Variants in VWA3A observed in about 807,000 individuals in gnomAD.
The protein encoded by VWA3A is von Willebrand factor A domain containing 3A.
In VWA3A, 134 loss-of-function variants were observed where a neutral mutation model predicts 160.4. That is an observed-to-expected ratio of 0.84 (90% CI 0.73 to 0.96). The LOEUF (loss-of-function observed/expected upper bound fraction) is 0.96, where lower values mean the gene tolerates loss of function less well. Ranked by LOEUF, VWA3A falls within the 40% of genes least tolerant of loss-of-function variation. The probability of loss-of-function intolerance (pLI) is 0.00; values close to 1 mark genes in which losing one functional copy is unlikely to be tolerated. For missense variants in VWA3A, 1,310 were observed against 1,447.9 expected (o/e 0.90, Z 1.55); for synonymous variants, 476 against 543.4 (o/e 0.88, Z 1.72).
Position 22,123,177 on chromosome 16 carries a change from G to A in VWA3A, c.1437+12G>A. ...TCTATAAGTACCAGGTCAGTGATGG[G>A]TTCAATCAGTCAGAAAATGGGGTGC... On this transcript the variant is annotated intron_variant, in intron 15 of 33. Transcript: ENST00000389398. 6.3e-7 allele frequency: 1 copy of A among 1,590,908 alleles called. No individual in the cohort carries two copies. Among genetic ancestry groups the A allele is most frequent in the Non-Finnish European group, 8.6e-7 (1 of 1,167,672 alleles).
At position 22,120,952 on chromosome 16, in the gene VWA3A, TTC is replaced by T; in HGVS notation, c.1117-13_1117-12del. 3 of 1,613,760 alleles carry T rather than the reference TTC, an allele frequency of 1.9e-6. No individual in the cohort carries two copies. The highest frequency in any genetic ancestry group is 2.5e-6 in the Non-Finnish European group (3 of 1,179,776). On this transcript the variant is annotated splice_polypyrimidine_tract_variant and intron_variant, in intron 12 of 33. Coordinates refer to ENST00000389398, the MANE Select transcript of VWA3A (RefSeq NM_173615.5). ...AAAATATGATTATGTAATGAGGGCT[TTC>T]TCATTTAACTTAGATTTCCACAGAG...
rs1235497724 is a variant in VWA3A, at chr16:22,096,935, G to A, written c.91G>A (p.Glu31Lys). ...VFHGQENMFL[E>K]NHCIRRNTGR... ...CCATGGTCAAGAAAATATGTTTCTG[G>A]AAAACCATTGGTAAGCATAGTTCTC... is the stretch of plus-strand genomic sequence containing the variant. Residue 31 changes from glutamate (E) to lysine (K), a missense_variant, in exon 2 of 34, where the codon GAA becomes AAA. Coordinates refer to ENST00000389398, the MANE Select transcript of VWA3A (RefSeq NM_173615.5). 6.6e-7 allele frequency: 1 copy of A among 1,522,976 alleles called. No homozygotes were observed. 94.3% of individuals were successfully genotyped at this position (1,522,976 alleles called of 1,614,324 possible).
At chr16:22,143,632 G>A (rs1178251911) in intron 25 of VWA3A, among the ~76,000 whole-genome samples, 1 of 152,140 alleles carries the variant, frequency 6.6e-6, no homozygotes, top group Non-Finnish European at 1.5e-5. Flanking sequence ...ACTAAAAAAT[G>A]TTGTAGGTGG....
At position 22,155,671 on chromosome 16, in the gene VWA3A, C is replaced by A. The variant is rs780022517; in HGVS notation, c.3503+7C>A. 1 of 1,613,656 alleles carries A rather than the reference C, an allele frequency of 6.2e-7. No homozygotes were observed. The highest frequency in any genetic ancestry group is 1.1e-5 in the South Asian group (1 of 91,066). On this transcript the variant is annotated splice_region_variant and intron_variant, in intron 32 of 33. Transcript: ENST00000389398. ...GGCAGGCCCAATCCTTCAGGTATGC[C>A]CTTCACGCAGCCTCTCCGGCCTGCC... is the stretch of plus-strand genomic sequence containing the variant.
intron 29 of VWA3A, 25 bp downstream of exon 29, chr16:22,149,956 C>T: frequency 6.3e-7 from 1 of 1,584,348 alleles, no homozygotes; most frequent in South Asian, 1.1e-5. Context: ...GGAGCCCGAC[C>T]TTGACGCAAA....
rs757463686 is a variant in VWA3A, at chr16:22,126,163, C to T, written c.1533-15C>T. On this transcript the variant is annotated splice_polypyrimidine_tract_variant and intron_variant, in intron 16 of 33. Coordinates refer to ENST00000389398, the MANE Select transcript of VWA3A (RefSeq NM_173615.5). ...GAGATTCGGTTCTCCTCTTAAAGCT[C>T]GTGTTTCCTTTTAGGGTGGTTGTAC... 5.0e-6 allele frequency: 8 copies of T among 1,613,100 alleles called. No homozygotes were observed. In the East Asian group the frequency reaches 1.1e-4, roughly 22 times the overall value.
At chr16:22,100,656 G>A (rs991375226) in intron 5 of VWA3A, among the ~76,000 whole-genome samples, 163 bp downstream of exon 5, 2 of 151,900 alleles carry the variant, frequency 1.3e-5, no homozygotes, top group Non-Finnish European at 1.5e-5. Flanking sequence ...CCAACATGGT[G>A]AAATCCTGTC....
chr16:22,148,156 G>T lies in VWA3A; in HGVS notation c.2840-6G>T. The T allele has an allele frequency of 6.3e-7, 1 of 1,595,302 alleles. No individual in the cohort carries two copies. The highest frequency in any genetic ancestry group is 2.3e-5 in the East Asian group (1 of 44,184). ...CCCTGCCTCTTCCCCACCTGTCTCG[G>T]AGCAGGGAGCCGCCGACTGTTTGGC... On this transcript the variant is annotated splice_polypyrimidine_tract_variant and splice_region_variant and intron_variant, in intron 27 of 33. Transcript: ENST00000389398.
chr16:22,149,609 A>G (rs2046312264), intron 28 of VWA3A, among the ~76,000 whole-genome samples, 178 bp from the exon 29 acceptor site: 1 of 152,156 alleles, frequency 6.6e-6, no homozygotes, highest in African/African-American at 2.4e-5. Context: ...TCTCATTCTC[A>G]AGAGGCCCCA....
rs573753221 is a variant in VWA3A, at chr16:22,156,372, A to G, written c.*355A>G. 5.6e-6 allele frequency: 1 copy of G among 178,052 alleles called. No individual in the cohort carries two copies. Among genetic ancestry groups the G allele is most frequent in the Admixed American group, 5.7e-5 (1 of 17,672 alleles). The allele number at this position is 178,052 out of a possible 1,614,324, so 11.0% of individuals were successfully genotyped here. The stretch of plus-strand genomic sequence containing the variant: ...TCTGCCTGGAGACTCCTGCTCATCC[A>G]TCAAGGCACAGCTCAAATGACATCA... On this transcript the variant is annotated 3_prime_UTR_variant, in exon 34 of 34. Transcript: ENST00000389398.
chr16:22,152,478 C>A, intron 30 of VWA3A, 33 bp from the exon 31 acceptor site: 1 of 1,609,266 alleles, frequency 6.2e-7, no homozygotes, highest in Non-Finnish European at 8.5e-7. Flanking sequence ...GGTCAGTCAG[C>A]CTTCCCACCA....
intron 25 of VWA3A, among the ~76,000 whole-genome samples, chr16:22,144,023 G>A (rs527333824): frequency 1.3e-5 from 2 of 151,936 alleles, no homozygotes. Flanking sequence ...TAGGATTACA[G>A]GCATGAGCCA....
intron 23 of VWA3A, chr16:22,141,296 T>C: frequency 3.4e-6 from 2 of 580,096 alleles, no homozygotes; most frequent in Non-Finnish European, 6.5e-6. Flanking sequence ...ACTTACCTTA[T>C]CTGTAAACTG....
chr16:22,138,500 G>A lies in VWA3A; in HGVS notation c.2280G>A (p.Leu760=). 1 of 1,613,870 alleles carries A rather than the reference G, an allele frequency of 6.2e-7. No individual in the cohort carries two copies. Among genetic ancestry groups the A allele is most frequent in the South Asian group, 1.1e-5 (1 of 91,062 alleles). Residue 760 remains leucine (L), a synonymous_variant, in exon 22 of 34, where the codon CTG becomes CTA. Transcript: ENST00000389398. ...GCCCTCCCAGGCCCACCGTCCCCCT[G>A]GGGGCCAGAATGGTTTGACTCCCCT... ...KLCPPRPTVP[L]GARMSIKDDP...
At chr16:22,119,592 C>A (rs1330190193) in intron 12 of VWA3A, among the ~76,000 whole-genome samples, 1 of 152,198 alleles carries the variant, frequency 6.6e-6, no homozygotes, top group Non-Finnish European at 1.5e-5. Flanking sequence ...GATGATTGAA[C>A]CTGGGAGATT....
rs1280128517 is a variant in VWA3A at position 22,153,738 on chromosome 16, A to T, written c.3405+1104A>T. Among the ~76,000 whole-genome samples the T allele has an allele frequency of 3.8e-5, 5 of 132,554 alleles. No homozygotes were observed. The East Asian group carries it at 8.7e-4, about 23-fold the overall frequency. The allele number at this position is 132,554 out of a possible 152,430, so 87.0% of individuals were successfully genotyped here. On this transcript the variant is annotated intron_variant, in intron 31 of 33. Transcript: ENST00000389398. ...GGTTACTTTCACAGGACATGGCATA[A>T]TTTTTTTTTTTTTTTTTTTGAGACA...
At chr16:22,095,767 G>C (rs1472703510) in intron 1 of VWA3A, among the ~76,000 whole-genome samples, 1 of 151,932 alleles carries the variant, frequency 6.6e-6, no homozygotes, top group Non-Finnish European at 1.5e-5. Context: ...TCGCTGGTTT[G>C]CCAAGGCTGG....
At position 22,138,443 on chromosome 16, in the gene VWA3A, A is replaced by T. The variant is rs1009459948; in HGVS notation, c.2223A>T (p.Thr741=). 6.2e-7 allele frequency: 1 copy of T among 1,613,648 alleles called. No homozygotes were observed. The highest frequency in any genetic ancestry group is 2.2e-5 in the East Asian group (1 of 44,874). The part of the protein sequence containing the change: ...SSALPKEKPK[T]LQLRSQPKKL... Reference sequence around the variant, plus strand: ...CCCTCCCGAAAGAAAAACCAAAGACACTTCAGCTAAGAAGTCAGCCCAAGA... The same window carrying T: ...CCCTCCCGAAAGAAAAACCAAAGACTCTTCAGCTAAGAAGTCAGCCCAAGA... Residue 741 remains threonine, a synonymous_variant, in exon 22 of 34, where the codon ACA becomes ACT. Coordinates refer to ENST00000389398, the MANE Select transcript of VWA3A (RefSeq NM_173615.5).
intron 4 of VWA3A, 35 bp from the exon 5 acceptor site, chr16:22,100,381 C>T (rs2045390110): frequency 6.4e-7 from 1 of 1,551,478 alleles, no homozygotes; most frequent in African/African-American, 1.4e-5. Context: ...CCCCCTGGGC[C>T]CGAGAGATCC....
Sources: gnomAD v4.1 joint callset for allele counts (sites outside exome capture counted in the v4.1 genomes callset) on GRCh38, gnomAD v4.1.1 for gene constraint, MANE v1.5 for transcripts, NCBI Gene and HGNC (gene_info 2026-07-23, HGNC 2026-07-21) for gene names.